The following PCDH15 variants were observed in gnomAD, a reference collection of about 807,000 sequenced individuals.
The protein encoded by PCDH15 is protocadherin-15.
A neutral mutation model predicts 178.5 loss-of-function variants in PCDH15; 129 were observed. That is an observed-to-expected ratio of 0.72 (90% CI 0.63 to 0.84). PCDH15 has a LOEUF of 0.84. PCDH15 is among the 40% of genes least tolerant of loss of function. The pLI is 0.00. For missense variants in PCDH15, 2,230 were observed against 2,099.9 expected (o/e 1.06, Z -1.21); for synonymous variants, 800 against 732.0 (o/e 1.09, Z -1.50).
chr10:54,294,769 T>C (rs1287957537), intron 8 of PCDH15, among the ~76,000 whole-genome samples: 2 of 152,242 alleles, frequency 1.3e-5, no homozygotes, highest in Non-Finnish European at 2.9e-5. Flanking sequence ...TTCTGGATTA[T>C]TAGAATTATT....
At chr10:54,103,660 A>G (rs1020216482) in intron 15 of PCDH15, among the ~76,000 whole-genome samples, 1 of 152,222 alleles carries the variant, frequency 6.6e-6, no homozygotes. Context: ...CTTTCTCTGC[A>G]TTAAACCAAG....
chr10:54,830,772 GC>G (rs1953211777), intron 3 of PCDH15, among the ~76,000 whole-genome samples: 1 of 149,410 alleles, frequency 6.7e-6, no homozygotes, highest in Non-Finnish European at 1.5e-5. Context: ...ATTCCAAAAA[GC>G]AAAAAAAAGA....
rs59241461 is a variant in PCDH15 at position 54,709,611 on chromosome 10, CAT to C, written c.-28-45323_-28-45322del. On this transcript the variant is annotated intron_variant, in intron 1 of 37. Transcript: ENST00000644397. ...AATAATTCATATATATATATATATA[CAT>C]ATATATATATATATAAAATCACTTT... is the stretch of plus-strand genomic sequence containing the variant. Among the ~76,000 whole-genome samples, 107 of 116,410 alleles carry C rather than the reference CAT, an allele frequency of 9.2e-4. No homozygotes were observed. The East Asian group carries it at 0.012, about 13-fold the overall frequency. 76.4% of individuals were successfully genotyped at this position (116,410 alleles called of 152,430 possible).
chr10:53,925,168 C>T (rs1447456010), intron 25 of PCDH15, among the ~76,000 whole-genome samples: 2 of 152,138 alleles, frequency 1.3e-5, no homozygotes, highest in African/African-American at 4.8e-5. Flanking sequence ...AATCTTGCTG[C>T]TGCTCACTCT....
intron 20 of PCDH15, 66 bp downstream of exon 20, chr10:54,020,126 A>G: frequency 7.4e-7 from 1 of 1,359,036 alleles, no homozygotes; most frequent in Non-Finnish European, 1.1e-6. Context: ...TAGGTATAAT[A>G]GAAGGAACAA....
intron 28 of PCDH15, among the ~76,000 whole-genome samples, chr10:53,841,959 A>AC (rs1032859225): frequency 6.6e-6 from 1 of 151,638 alleles, no homozygotes. Context: ...AAAAAAAAAA[A>AC]AAAAAACAAC....
intron 2 of PCDH15, among the ~76,000 whole-genome samples, chr10:54,955,354 G>C (rs1838457385): frequency 6.6e-6 from 1 of 151,128 alleles, no homozygotes. Flanking sequence ...TTTTATCTCA[G>C]ATTTTAAAAA....
At chr10:54,394,224 T>TAC (rs1171231538) in intron 3 of PCDH15, among the ~76,000 whole-genome samples, 2 of 152,168 alleles carry the variant, frequency 1.3e-5, no homozygotes, top group Non-Finnish European at 2.9e-5. Flanking sequence ...ATTCTTATTA[T>TAC]ATAGCATTAG....
chr10:54,555,750 AAAAAG>A (rs2087157294), intron 2 of PCDH15, among the ~76,000 whole-genome samples: 3 of 148,866 alleles, frequency 2.0e-5, no homozygotes, highest in Non-Finnish European at 3.0e-5. Flanking sequence ...AAAAAAAAAA[AAAAAG>A]AAAAGAAAAG....
chr10:54,225,980 C>G (rs2053398512), intron 9 of PCDH15, among the ~76,000 whole-genome samples: 3 of 151,674 alleles, frequency 2.0e-5, no homozygotes, highest in African/African-American at 7.3e-5. Context: ...TTTAGAGAAA[C>G]AAAACAAATA....
At chr10:54,434,516 C>T (rs1437488637) in intron 3 of PCDH15, among the ~76,000 whole-genome samples, 1 of 152,182 alleles carries the variant, frequency 6.6e-6, no homozygotes, top group Non-Finnish European at 1.5e-5. Context: ...ATTTCCAGTA[C>T]AGTAACATGC....
At chr10:54,163,513 A>G (rs1360212176) in intron 13 of PCDH15, among the ~76,000 whole-genome samples, 1 of 152,110 alleles carries the variant, frequency 6.6e-6, no homozygotes, top group East Asian at 1.9e-4. Context: ...ATTTGCCTCC[A>G]TAATCCAATT....
chr10:54,645,895 C>A (rs1240157278), intron 2 of PCDH15, among the ~76,000 whole-genome samples: 1 of 152,032 alleles, frequency 6.6e-6, no homozygotes, highest in Non-Finnish European at 1.5e-5. Context: ...TAACAGTAAT[C>A]TAATGAGAAA....
chr10:55,309,521 T>TAA (rs150932345), intron 1 of PCDH15, among the ~76,000 whole-genome samples: 79 of 150,542 alleles, frequency 5.2e-4, no homozygotes, highest in African/African-American at 1.7e-3. Flanking sequence ...ACCTTATCTT[T>TAA]TAAAAAAAAA....
At chr10:55,193,273 A>G (rs1839994423) in intron 1 of PCDH15, among the ~76,000 whole-genome samples, 1 of 151,972 alleles carries the variant, frequency 6.6e-6, no homozygotes, top group African/African-American at 2.4e-5. Flanking sequence ...ATAATCTAGA[A>G]AAGCAATTTC....
intron 28 of PCDH15, among the ~76,000 whole-genome samples, chr10:53,856,456 A>G (rs1216896695): frequency 6.6e-6 from 1 of 152,100 alleles, no homozygotes; most frequent in Admixed American, 6.6e-5. Flanking sequence ...ACAATAATTT[A>G]AAACATATAT....
intron 14 of PCDH15, among the ~76,000 whole-genome samples, chr10:54,141,138 CT>C (rs1232988744): frequency 3.3e-5 from 5 of 150,518 alleles, no homozygotes; most frequent in African/African-American, 1.2e-4. Flanking sequence ...ACTATTGATG[CT>C]TTTTAGTTTC....
intron 1 of PCDH15, among the ~76,000 whole-genome samples, chr10:54,772,925 C>T (rs543541161): frequency 1.1e-4 from 17 of 152,198 alleles, no homozygotes; most frequent in Middle Eastern, 3.4e-3. Context: ...CCATAGAATA[C>T]TATGCAGCAT....
In PCDH15 at chr10:55,043,893, G is replaced by T. The variant is rs1840931909; in HGVS notation, c.-80+122683C>A. 2.0e-5 allele frequency among the ~76,000 whole-genome samples: 3 copies of T among 151,924 alleles called. 1 individual carries two copies. The highest frequency in any genetic ancestry group is 4.2e-4 in the South Asian group (2 of 4,812). On this transcript the variant is annotated intron_variant, in intron 2 of 5. Coordinates refer to the PCDH15 transcript ENST00000458638. ...GCAGAAAAGAAGAGGGATATGAGAG[G>T]GTATTTGAATGGGTTAAAAACTACA... is the stretch of plus-strand genomic sequence containing the variant.
Sources: allele counts gnomAD v4.1 joint callset (sites outside exome capture counted in the v4.1 genomes callset), GRCh38; gene constraint gnomAD v4.1.1; transcripts MANE v1.5; gene names NCBI Gene and HGNC (gene_info 2026-07-23, HGNC 2026-07-21).